The following FERMT1 variants were observed in gnomAD, a reference collection of about 807,000 sequenced individuals.
The protein encoded by FERMT1 is fermitin family homolog 1.
In FERMT1, 60 loss-of-function variants were observed where a neutral mutation model predicts 85.3. That is an observed-to-expected ratio of 0.70 (90% CI 0.57 to 0.87). FERMT1 has a LOEUF of 0.87. FERMT1 is among the 40% of genes least tolerant of loss of function. The pLI is 0.00. For missense variants in FERMT1, 701 were observed against 818.9 expected (o/e 0.86, Z 1.76); for synonymous variants, 275 against 301.1 (o/e 0.91, Z 0.90).
chr20:6,088,096 C>T (rs1040314953), intron 10 of FERMT1, among the ~76,000 whole-genome samples: 2 of 137,634 alleles, frequency 1.5e-5, no homozygotes, highest in African/African-American at 5.3e-5. Flanking sequence ...TTTTCTTTTA[C>T]AGTTTTCTTA....
chr20:6,085,065 C>G lies in FERMT1; in HGVS notation c.1593+1G>C. On this transcript the variant is annotated splice_donor_variant, in intron 12 of 14. Coordinates refer to ENST00000217289, the MANE Select transcript of FERMT1 (RefSeq NM_017671.5). LOFTEE classifies it high-confidence loss of function. ...AATTGCCCTAACAAGATTAACAGTA[C>G]CTGTTTGGATTTGTGTCTTTTTGCA... The G allele has an allele frequency of 6.2e-7, 1 of 1,610,610 alleles. No homozygotes were observed. Among genetic ancestry groups the G allele is most frequent in the Non-Finnish European group, 8.5e-7 (1 of 1,176,842 alleles).
intron 9 of FERMT1, among the ~76,000 whole-genome samples, chr20:6,091,270 C>T (rs1280251695): frequency 3.3e-5 from 5 of 151,866 alleles, no homozygotes; most frequent in African/African-American, 1.2e-4. Flanking sequence ...TGCTCTGTCA[C>T]CCAGGCTGGA....
intron 6 of FERMT1, among the ~76,000 whole-genome samples, chr20:6,107,272 T>C (rs545405385): frequency 6.7e-6 from 1 of 148,470 alleles, no homozygotes; most frequent in African/African-American, 2.5e-5. Flanking sequence ...TTCCTGCAAA[T>C]GGAGGGGGGC....
At position 6,075,510 on chromosome 20, in the gene FERMT1, G is replaced by A. The variant is rs1019189976; in HGVS notation, c.*1663C>T. 8.5e-5 allele frequency: 13 copies of A among 152,340 alleles called. 1 individual carries two copies. Among genetic ancestry groups the A allele is most frequent in the Admixed American group, 5.2e-4 (8 of 15,280 alleles). 9.4% of individuals were successfully genotyped at this position (152,340 alleles called of 1,614,324 possible). On this transcript the variant is annotated 3_prime_UTR_variant, in exon 15 of 15. Transcript: ENST00000217289. Reference sequence around the variant, plus strand: ...CTTCTGAGCTTTAAGCAAGGCCTCAGAAATTCAGCGGGTGCCTGGGAGGCT... The same window carrying A: ...CTTCTGAGCTTTAAGCAAGGCCTCAAAAATTCAGCGGGTGCCTGGGAGGCT...
At position 6,089,076 on chromosome 20, in the gene FERMT1, G is replaced by A. The variant is rs35413391; in HGVS notation, c.1153C>T (p.Leu385=). ...CAATATTGTTTGAAAGCTTTTGGTA[G>A]TAACTTCTTGGGCCTGCAAATTCAA... The part of the protein sequence containing the change: ...NLKLFRPKKL[L]PKAFKQYWFI... Residue 385 remains leucine (L), a synonymous_variant, in exon 10 of 15, where the codon CTA becomes TTA. Transcript: ENST00000217289. 102,676 of 1,611,206 alleles carry A rather than the reference G, an allele frequency of 0.064. 3,772 individuals are homozygous for A. Among genetic ancestry groups the A allele is most frequent in the Middle Eastern group, 0.12 (712 of 6,044 alleles).
At position 6,099,404 on chromosome 20, in the gene FERMT1, G is replaced by GAAAA. The variant is rs200572377; in HGVS notation, c.850-1777_850-1774dup. Among the ~76,000 whole-genome samples the GAAAA allele has an allele frequency of 2.1e-3, 233 of 111,770 alleles. 1 individual carries two copies. Among genetic ancestry groups the GAAAA allele is most frequent in the African/African-American group, 8.0e-3 (229 of 28,626 alleles). 73.3% of individuals were successfully genotyped at this position (111,770 alleles called of 152,430 possible). ...TGGGCAACAAGAGTGAGACTGTCTC[G>GAAAA]AAAAAAAAAAAAAAAGGAATTAAAT... On this transcript the variant is annotated intron_variant, in intron 6 of 14. Transcript: ENST00000217289.
chr20:6,106,307 G>A (rs1366620744), intron 6 of FERMT1, among the ~76,000 whole-genome samples: 1 of 152,118 alleles, frequency 6.6e-6, no homozygotes, highest in Non-Finnish European at 1.5e-5. Flanking sequence ...TTTGAAGATG[G>A]CAGTTGGGGA....
chr20:6,083,784 T>C (rs746432355), intron 13 of FERMT1, among the ~76,000 whole-genome samples: 6 of 151,798 alleles, frequency 4.0e-5, no homozygotes, highest in Non-Finnish European at 5.9e-5. Context: ...TTTGGAAATG[T>C]AGTTATCCTA....
rs770476471 is a variant in FERMT1, at chr20:6,084,142, G to A, written c.1616C>T (p.Ala539Val). ...GGGCATCTGGGCCACGTTCTGGTGCGCCTCCAGGATCCGGGCGGCCAGCTG... is the reference window on the plus strand; with the variant it reads ...GGGCATCTGGGCCACGTTCTGGTGCACCTCCAGGATCCGGGCGGCCAGCTG... ...SKQLAARILEAHQNVAQMPLV... is the reference protein window; with the variant it reads ...SKQLAARILEVHQNVAQMPLV... Residue 539 changes from alanine (A) to valine (V), a missense_variant, in exon 13 of 15, where the codon GCG (alanine) becomes GTG (valine). Coordinates refer to ENST00000217289, the MANE Select transcript of FERMT1 (RefSeq NM_017671.5). 1.2e-5 allele frequency: 19 copies of A among 1,612,858 alleles called. No homozygotes were observed. Among genetic ancestry groups the A allele is most frequent in the South Asian group, 6.6e-5 (6 of 90,878 alleles).
At chr20:6,079,730 T>G (rs1981941255) in intron 13 of FERMT1, among the ~76,000 whole-genome samples, 153 bp from the exon 14 acceptor site, 1 of 152,224 alleles carries the variant, frequency 6.6e-6, no homozygotes, top group Non-Finnish European at 1.5e-5. Flanking sequence ...GGGGGCATTT[T>G]TATTGGGATA....
chr20:6,103,966 G>A (rs1982732270), intron 6 of FERMT1, among the ~76,000 whole-genome samples: 1 of 151,884 alleles, frequency 6.6e-6, no homozygotes, highest in African/African-American at 2.4e-5. Flanking sequence ...TGCTTCCCGG[G>A]TTCAAGTGAT....
intron 3 of FERMT1, among the ~76,000 whole-genome samples, chr20:6,115,292 A>C (rs950346465): frequency 6.6e-6 from 1 of 152,182 alleles, no homozygotes; most frequent in Non-Finnish European, 1.5e-5. Flanking sequence ...TAGGATACCA[A>C]ATCTATAAAT....
At chr20:6,107,025 G>A (rs868588534) in intron 6 of FERMT1, among the ~76,000 whole-genome samples, 5 of 152,036 alleles carry the variant, frequency 3.3e-5, no homozygotes, top group African/African-American at 7.2e-5. Flanking sequence ...GTGAAACCCC[G>A]TCTTTACTAA....
Position 6,083,710 on chromosome 20 carries a change from A to C in FERMT1, c.1718+330T>G, listed in dbSNP as rs13433188. Reference sequence around the variant, plus strand: ...CGATCTCTTAAAAAAAAAAAACAAAAAAAAAAAAACCGAAAAGAAGTTACA... The same window carrying C: ...CGATCTCTTAAAAAAAAAAAACAAACAAAAAAAAACCGAAAAGAAGTTACA... On this transcript the variant is annotated intron_variant, in intron 13 of 14. Coordinates refer to ENST00000217289, the MANE Select transcript of FERMT1 (RefSeq NM_017671.5). Among the ~76,000 whole-genome samples, 421 of 149,722 alleles carry C rather than the reference A, an allele frequency of 2.8e-3. 2 individuals are homozygous for C. The highest frequency in any genetic ancestry group is 9.0e-3 in the African/African-American group (362 of 40,274).
intron 6 of FERMT1, among the ~76,000 whole-genome samples, chr20:6,107,322 C>A (rs189197373): frequency 6.6e-6 from 1 of 152,100 alleles, no homozygotes; most frequent in African/African-American, 2.4e-5. Context: ...TCAGAGACTC[C>A]GGCTAATTTG....
At chr20:6,116,707 C>A (rs192689508) in intron 2 of FERMT1, among the ~76,000 whole-genome samples, 5 of 132,680 alleles carry the variant, frequency 3.8e-5, no homozygotes, top group Admixed American at 8.2e-5. Context: ...ACAGCTTGGG[C>A]AACAAGAGCA....
chr20:6,108,578 G>A (rs529871329), intron 5 of FERMT1, among the ~76,000 whole-genome samples: 2 of 152,262 alleles, frequency 1.3e-5, no homozygotes, highest in South Asian at 4.1e-4. Context: ...GGGAGGCCAA[G>A]GCGGGTGAAT....
chr20:6,118,381 G>C (rs1441444262), intron 2 of FERMT1, among the ~76,000 whole-genome samples: 1 of 152,144 alleles, frequency 6.6e-6, no homozygotes, highest in African/African-American at 2.4e-5. Context: ...CTTTGGTAGT[G>C]GTGACTGGGA....
chr20:6,103,892 CAG>C (rs780984695), intron 6 of FERMT1, among the ~76,000 whole-genome samples: 6 of 148,734 alleles, frequency 4.0e-5, no homozygotes. Context: ...TTTTTTGAGA[CAG>C]AGTTTTGCTC....
Sources: allele counts gnomAD v4.1 joint callset (sites outside exome capture counted in the v4.1 genomes callset), GRCh38; gene constraint gnomAD v4.1.1; transcripts MANE v1.5; gene names NCBI Gene and HGNC (gene_info 2026-07-23, HGNC 2026-07-21).